CLSTN1: variants seen among roughly 807,000 people sequenced by gnomAD.
CLSTN1 encodes the protein calsyntenin-1.
In CLSTN1, 28 loss-of-function variants were observed where a neutral mutation model predicts 108.3. The ratio of observed to expected loss-of-function variants is 0.26; its 90% CI spans 0.19 to 0.35. CLSTN1 has a LOEUF of 0.35. CLSTN1 is among the 10% of genes least tolerant of loss of function. The pLI, the probability that CLSTN1 is intolerant of heterozygous loss-of-function variation, is 1.00. For missense variants in CLSTN1, 1,157 were observed against 1,302.6 expected (o/e 0.89, Z 1.72); for synonymous variants, 524 against 534.9 (o/e 0.98, Z 0.28).
chr1:9,735,606 G>A lies in CLSTN1; in HGVS notation c.1744C>T (p.His582Tyr), dbSNP rs1002347258. Residue 582 changes from histidine (H) to tyrosine (Y), a missense_variant, in exon 13 of 19, where the codon CAC becomes TAC. Coordinates refer to ENST00000377298, the MANE Select transcript of CLSTN1 (RefSeq NM_001009566.3). ...DSGRGVQIQA[H>Y]PSQLVLTLEG... ...AAGGTCAATACCAACTGGCTGGGGT[G>A]TGCTTGGATCTGAAATCACACCAGC... 2.5e-6 allele frequency: 4 copies of A among 1,614,150 alleles called. No homozygotes were observed. Among genetic ancestry groups the A allele is most frequent in the Non-Finnish European group, 3.4e-6 (4 of 1,180,036 alleles).
chr1:9,764,975 G>T (rs1319971395), intron 2 of CLSTN1, among the ~76,000 whole-genome samples: 1 of 152,126 alleles, frequency 6.6e-6, no homozygotes, highest in African/African-American at 2.4e-5. Context: ...CGGTTAATAA[G>T]AAGCACCTGT....
At chr1:9,768,544 G>A (rs1236085281) in intron 2 of CLSTN1, among the ~76,000 whole-genome samples, 2 of 127,514 alleles carry the variant, frequency 1.6e-5, no homozygotes, top group Admixed American at 7.7e-5. Context: ...CCATGGGGGC[G>A]GGGTTCTGTG....
chr1:9,812,403 C>T (rs1359868118), intron 1 of CLSTN1, among the ~76,000 whole-genome samples: 1 of 152,170 alleles, frequency 6.6e-6, no homozygotes, highest in Non-Finnish European at 1.5e-5. Context: ...TGACAAGAGA[C>T]ACAGAGGACA....
chr1:9,793,229 T>G (rs1367864273), intron 1 of CLSTN1, among the ~76,000 whole-genome samples: 3 of 151,348 alleles, frequency 2.0e-5, no homozygotes, highest in Non-Finnish European at 2.9e-5. Context: ...GCCAGGCTGG[T>G]CTCGAACTCC....
intron 2 of CLSTN1, among the ~76,000 whole-genome samples, chr1:9,759,024 G>C (rs372015166): frequency 2.0e-5 from 3 of 152,054 alleles, no homozygotes; most frequent in African/African-American, 7.2e-5. Context: ...AGTTACACTG[G>C]CCAGTTCTCA....
intron 2 of CLSTN1, among the ~76,000 whole-genome samples, chr1:9,766,262 G>T (rs1464331598): frequency 1.3e-5 from 2 of 152,170 alleles, no homozygotes; most frequent in Non-Finnish European, 2.9e-5. Flanking sequence ...AAGAAGAGGA[G>T]GCACGGCTTC....
chr1:9,754,232 G>A (rs1477401493), intron 4 of CLSTN1, among the ~76,000 whole-genome samples: 2 of 151,798 alleles, frequency 1.3e-5, no homozygotes, highest in East Asian at 1.9e-4. Flanking sequence ...CTTTAATAGA[G>A]TATTTGGTGT....
Position 9,823,553 on chromosome 1 carries a change from G to A in CLSTN1, c.91+90C>T, listed in dbSNP as rs926305440. 55 of 866,306 alleles carry A rather than the reference G, an allele frequency of 6.3e-5. 1 individual carries two copies. Among genetic ancestry groups the A allele is most frequent in the South Asian group, 4.4e-4 (8 of 18,012 alleles). 53.7% of individuals were successfully genotyped at this position (866,306 alleles called of 1,614,324 possible). Reference sequence around the variant, plus strand: ...GGCATCCGGCCCTACTCCCGCACCCGGACCCGAATCCCCGCACCGGGACCC... The same window carrying A: ...GGCATCCGGCCCTACTCCCGCACCCAGACCCGAATCCCCGCACCGGGACCC... On this transcript the variant is annotated intron_variant, in intron 1 of 18. Transcript: ENST00000377298. The surrounding 1 kb of genome is among the most constrained non-coding windows in gnomAD (Gnocchi z 6.3).
chr1:9,762,382 A>T (rs1421363947), intron 2 of CLSTN1, among the ~76,000 whole-genome samples: 1 of 149,900 alleles, frequency 6.7e-6, no homozygotes, highest in Non-Finnish European at 1.5e-5. Flanking sequence ...AATCGCTTGA[A>T]CCCGGGAGGC....
At chr1:9,797,734 T>C (rs1214791484) in intron 1 of CLSTN1, among the ~76,000 whole-genome samples, 1 of 151,770 alleles carries the variant, frequency 6.6e-6, no homozygotes, top group Non-Finnish European at 1.5e-5. Context: ...GGCTAGGAAA[T>C]GAAAGAAGCT....
At chr1:9,801,228 A>T (rs1325961776) in intron 1 of CLSTN1, among the ~76,000 whole-genome samples, 2 of 152,168 alleles carry the variant, frequency 1.3e-5, no homozygotes, top group East Asian at 3.8e-4. Context: ...CTGGGAAACA[A>T]GAGCGAAACT....
intron 2 of CLSTN1, among the ~76,000 whole-genome samples, chr1:9,759,805 C>G (rs1003725126): frequency 6.6e-6 from 1 of 152,196 alleles, no homozygotes; most frequent in African/African-American, 2.4e-5. Context: ...GTAAAACTGC[C>G]TGGTATCAGA....
intron 1 of CLSTN1, among the ~76,000 whole-genome samples, chr1:9,780,615 G>C (rs1425443352): frequency 1.3e-5 from 2 of 152,146 alleles, no homozygotes; most frequent in Admixed American, 1.3e-4. Flanking sequence ...TATTTAATGA[G>C]TGATATTTTT....
intron 1 of CLSTN1, among the ~76,000 whole-genome samples, chr1:9,793,304 C>T (rs1174963564): frequency 2.6e-5 from 4 of 151,466 alleles, no homozygotes; most frequent in Non-Finnish European, 4.4e-5. Flanking sequence ...TGAGCCACTG[C>T]GCCCAGCCTA....
intron 17 of CLSTN1, 84 bp from the exon 18 acceptor site, chr1:9,731,474 C>T (rs1381139549): frequency 7.0e-7 from 1 of 1,424,146 alleles, no homozygotes; most frequent in Admixed American, 1.9e-5. Context: ...TGTGCCTGGT[C>T]AAAACGGGCT....
chr1:9,809,470 T>C (rs1654639778), intron 1 of CLSTN1, among the ~76,000 whole-genome samples: 1 of 152,130 alleles, frequency 6.6e-6, no homozygotes, highest in East Asian at 1.9e-4. Flanking sequence ...GTACTCATGC[T>C]TGCATTCACT....
intron 2 of CLSTN1, among the ~76,000 whole-genome samples, chr1:9,769,554 A>G (rs1652562504): frequency 6.6e-6 from 1 of 152,214 alleles, no homozygotes. Context: ...CGTACAGTGC[A>G]TTTACATGAT....
At chr1:9,731,961 G>A in intron 16 of CLSTN1, 65 bp from the exon 17 acceptor site, 1 of 1,600,492 alleles carries the variant, frequency 6.2e-7, no homozygotes. Flanking sequence ...AGGTGACAGT[G>A]GAGTCCCGCA....
chr1:9,823,820 T>G lies in CLSTN1; in HGVS notation c.-87A>C. 3.2e-6 allele frequency: 2 copies of G among 617,464 alleles called. No homozygotes were observed. Among genetic ancestry groups the G allele is most frequent in the South Asian group, 1.4e-4 (2 of 14,528 alleles). The allele number at this position is 617,464 out of a possible 1,614,324, so 38.2% of individuals were successfully genotyped here. ...TCTCGGGGCTCTAGGGGCCTGGGGC[T>G]AGCTGCTCCGCGGCGCGGGGAGCTC... is the stretch of plus-strand genomic sequence containing the variant. On this transcript the variant is annotated 5_prime_UTR_variant, in exon 1 of 19. Transcript: ENST00000377298. This position sits in a 1 kb window ranked among gnomAD's most constrained non-coding sequence, Gnocchi z 6.3.
Sources: allele counts gnomAD v4.1 joint callset (sites outside exome capture counted in the v4.1 genomes callset), GRCh38; gene constraint gnomAD v4.1.1; non-coding constraint Gnocchi (gnomAD v3.1); transcripts MANE v1.5; gene names NCBI Gene and HGNC (gene_info 2026-07-23, HGNC 2026-07-21).